Variants in THSD7A observed in about 807,000 individuals in gnomAD.
THSD7A encodes thrombospondin type 1 domain containing 7A, also known as thrombospondin type-1 domain-containing protein 7A.
In THSD7A, 96 loss-of-function variants were observed where a neutral mutation model predicts 231.3. That is an observed-to-expected ratio of 0.41 (90% CI 0.35 to 0.49). The LOEUF (loss-of-function observed/expected upper bound fraction) is 0.49. Ranked by LOEUF, THSD7A falls within the 20% of genes least tolerant of loss-of-function variation. THSD7A has a pLI of 0.05. For missense variants in THSD7A, 2,290 were observed against 2,070.2 expected (o/e 1.11, Z -2.06); for synonymous variants, 940 against 743.3 (o/e 1.26, Z -4.30).
chr7:11,580,841 C>A (rs1791127833), intron 4 of THSD7A, among the ~76,000 whole-genome samples: 2 of 152,124 alleles, frequency 1.3e-5, no homozygotes, highest in South Asian at 4.1e-4. Flanking sequence ...CCCCATGACA[C>A]AAGCTTACCT....
At chr7:11,453,915 T>C (rs1268887051) in intron 11 of THSD7A, among the ~76,000 whole-genome samples, 1 of 152,018 alleles carries the variant, frequency 6.6e-6, no homozygotes, top group African/African-American at 2.4e-5. Flanking sequence ...GGCAATTCTA[T>C]CCATAGTTAT....
chr7:11,548,363 T>G (rs1789485648), intron 4 of THSD7A, among the ~76,000 whole-genome samples: 1 of 151,732 alleles, frequency 6.6e-6, no homozygotes, highest in Non-Finnish European at 1.5e-5. Context: ...GAAACAGTAA[T>G]AAAAAACCCT....
Position 11,406,481 on chromosome 7 carries a change from T to C in THSD7A, c.4063-7A>G. ...CTTCTCCACACTGGGCCTCCTGGAA[T>C]GGAGGAAGAAATAACTAATTAGAAA... On this transcript the variant is annotated splice_region_variant and splice_polypyrimidine_tract_variant and intron_variant, in intron 21 of 27. Transcript: ENST00000423059. The surrounding 1 kb of genome is among the most constrained non-coding windows in gnomAD (Gnocchi z 4.7). 6.2e-7 allele frequency: 1 copy of C among 1,602,388 alleles called. No homozygotes were observed. Among genetic ancestry groups the C allele is most frequent in the South Asian group, 1.1e-5 (1 of 89,068 alleles).
At chr7:11,690,164 C>A (rs1384409228) in intron 1 of THSD7A, among the ~76,000 whole-genome samples, 2 of 151,714 alleles carry the variant, frequency 1.3e-5, no homozygotes, top group African/African-American at 2.4e-5. Flanking sequence ...TTCTACCTGA[C>A]TTTTCAGGAT....
rs959293350 is a variant in THSD7A, at chr7:11,548,600, C to G, written c.1454-5483G>C. On this transcript the variant is annotated intron_variant, in intron 4 of 27. Transcript: ENST00000423059. ...CCAATATCCCTGATGAACATAGATG[C>G]AAAAATCCTCAAAAATTACAAGCTA... 2.6e-5 allele frequency among the ~76,000 whole-genome samples: 4 copies of G among 152,132 alleles called. No individual in the cohort carries two copies. In the South Asian group the frequency reaches 6.2e-4, roughly 24 times the overall value.
At chr7:11,525,329 T>C (rs887163251) in intron 6 of THSD7A, among the ~76,000 whole-genome samples, 3 of 152,116 alleles carry the variant, frequency 2.0e-5, no homozygotes, top group Non-Finnish European at 4.4e-5. Context: ...ATAGAATATA[T>C]AAATACCATA....
intron 1 of THSD7A, among the ~76,000 whole-genome samples, chr7:11,697,434 G>C (rs1448004220): frequency 6.6e-6 from 1 of 151,220 alleles, no homozygotes; most frequent in African/African-American, 2.4e-5. Flanking sequence ...ACTTCCTCAT[G>C]CTACTGATGA....
At chr7:11,781,412 C>T (rs1484743426) in intron 1 of THSD7A, among the ~76,000 whole-genome samples, 1 of 151,980 alleles carries the variant, frequency 6.6e-6, no homozygotes, top group East Asian at 1.9e-4. Flanking sequence ...CACCACTGTA[C>T]TCTTGCCTGG....
At chr7:11,414,801 T>C (rs1783905699) in intron 17 of THSD7A, among the ~76,000 whole-genome samples, 1 of 152,202 alleles carries the variant, frequency 6.6e-6, no homozygotes, top group East Asian at 1.9e-4. Flanking sequence ...AATAACACTA[T>C]CTGTTTTGAC....
intron 2 of THSD7A, among the ~76,000 whole-genome samples, chr7:11,599,748 C>T (rs546079926): frequency 2.0e-5 from 3 of 152,008 alleles, no homozygotes; most frequent in African/African-American, 4.8e-5. Flanking sequence ...TGGTTAATAC[C>T]GAGTGTCAAC....
chr7:11,588,965 T>G (rs925338873), intron 4 of THSD7A, among the ~76,000 whole-genome samples: 20 of 152,214 alleles, frequency 1.3e-4, no homozygotes, highest in African/African-American at 4.1e-4. Flanking sequence ...TACAGAACAA[T>G]TAAATTTTGA....
chr7:11,562,895 AGT>A (rs1440638101), intron 4 of THSD7A, among the ~76,000 whole-genome samples: 4 of 152,166 alleles, frequency 2.6e-5, no homozygotes, highest in Non-Finnish European at 4.4e-5. Flanking sequence ...AGTTACTACA[AGT>A]GTGTGGTAGT....
intron 23 of THSD7A, among the ~76,000 whole-genome samples, chr7:11,395,373 G>A (rs1783142424): frequency 6.6e-6 from 1 of 151,828 alleles, no homozygotes; most frequent in Admixed American, 6.6e-5. Context: ...AATAATAGTG[G>A]GAGACTTTAA....
intron 4 of THSD7A, among the ~76,000 whole-genome samples, chr7:11,559,942 C>G (rs551803171): frequency 6.6e-5 from 10 of 152,094 alleles, no homozygotes; most frequent in Non-Finnish European, 1.3e-4. Context: ...CCATGGAAAA[C>G]TATCAGACAT....
Position 11,690,680 on chromosome 7 carries a change from T to C in THSD7A, c.191-53719A>G, listed in dbSNP as rs538398772. Among the ~76,000 whole-genome samples, 92 of 151,884 alleles carry C rather than the reference T, an allele frequency of 6.1e-4. 2 individuals carry two copies. Among genetic ancestry groups the C allele is most frequent in the African/African-American group, 2.0e-3 (84 of 41,518 alleles). On this transcript the variant is annotated intron_variant, in intron 1 of 27. Transcript: ENST00000423059. ...GAGATTAGCACCATAAAGGCAATTA[T>C]GCCACTCTCAAAACAACCCATACTT...
chr7:11,535,865 T>G (rs1337258298), intron 6 of THSD7A, among the ~76,000 whole-genome samples: 1 of 152,158 alleles, frequency 6.6e-6, no homozygotes, highest in Non-Finnish European at 1.5e-5. Flanking sequence ...AAGCAAATCT[T>G]ATTTAGGTGA....
intron 1 of THSD7A, among the ~76,000 whole-genome samples, chr7:11,827,999 C>G (rs1350946062): frequency 6.6e-6 from 1 of 152,148 alleles, no homozygotes; most frequent in Non-Finnish European, 1.5e-5. Context: ...CTCAAGCCCT[C>G]TTCTACTCAC....
chr7:11,453,409 G>T (rs982019824), intron 11 of THSD7A, among the ~76,000 whole-genome samples: 1 of 151,200 alleles, frequency 6.6e-6, no homozygotes, highest in Non-Finnish European at 1.5e-5. Context: ...GGGCCAGGAG[G>T]ACCTCTCCTA....
chr7:11,474,822 G>C lies in THSD7A; in HGVS notation c.2018-254C>G, dbSNP rs1786090902. Among the ~76,000 whole-genome samples, 1 of 152,144 alleles carries C rather than the reference G, an allele frequency of 6.6e-6. No individual in the cohort carries two copies. The highest frequency in any genetic ancestry group is 2.4e-5 in the African/African-American group (1 of 41,454). On this transcript the variant is annotated intron_variant, in intron 7 of 27. Coordinates refer to ENST00000423059, the MANE Select transcript of THSD7A (RefSeq NM_015204.3). This position sits in a 1 kb window ranked among gnomAD's most constrained non-coding sequence, Gnocchi z 4.1. ...GTAGGGGAGATAAGGATACAAATGAGTATAATTCTAGATAGAATGAAATAA... is the reference window on the plus strand; with the variant it reads ...GTAGGGGAGATAAGGATACAAATGACTATAATTCTAGATAGAATGAAATAA...
Sources: gnomAD v4.1 joint callset for allele counts (sites outside exome capture counted in the v4.1 genomes callset) on GRCh38, gnomAD v4.1.1 for gene constraint, Gnocchi (gnomAD v3.1) non-coding constraint, MANE v1.5 for transcripts, NCBI Gene and HGNC (gene_info 2026-07-23, HGNC 2026-07-21) for gene names.